Variants in CEP63 observed in about 807,000 individuals in gnomAD.
CEP63 encodes centrosomal protein 63, also known as centrosomal protein of 63 kDa.
CEP63 carries 84 observed loss-of-function variants against 89.1 expected under a neutral mutation model. That is an observed-to-expected ratio of 0.94 (90% CI 0.79 to 1.13). The LOEUF (loss-of-function observed/expected upper bound fraction) is 1.13. CEP63 is among the 50% of genes most tolerant of loss of function. CEP63 has a pLI of 0.00. For missense variants in CEP63, 838 were observed against 813.3 expected, an observed-to-expected ratio of 1.03 and a Z score of -0.37; for synonymous variants, 267 against 272.5, an observed-to-expected ratio of 0.98 and a Z score of 0.20.
At chr3:134,594,496 A>G in the CEP63 span, among the ~76,000 whole-genome samples, 1 of 152,010 alleles carries the variant, frequency 6.6e-6, no homozygotes, top group Non-Finnish European at 1.5e-5. Context: ...TTCCCCCGAG[A>G]AGAACGGCAC....
At chr3:134,540,009 T>C (rs1951676941) in intron 6 of CEP63, among the ~76,000 whole-genome samples, 1 of 152,168 alleles carries the variant, frequency 6.6e-6, no homozygotes. Flanking sequence ...AAAACCTATA[T>C]GCACTGTGAA....
intron 3 of CEP63, chr3:134,511,470 A>G (rs1019031717): frequency 7.2e-5 from 11 of 152,618 alleles, no homozygotes; most frequent in Non-Finnish European, 1.3e-4. Flanking sequence ...TCATAATCCA[A>G]TTTGAGCAGT....
chr3:134,622,218 A>C, the CEP63 span, among the ~76,000 whole-genome samples: 97,250 of 152,024 alleles, frequency 0.64, 31,783 homozygotes, highest in East Asian at 0.88. Context: ...AAGGTACGCA[A>C]CCAAAAAAAC....
the CEP63 span, chr3:134,607,500 G>A: frequency 4.1e-6 from 4 of 985,578 alleles, no homozygotes; most frequent in African/African-American, 1.7e-5. Context: ...TGGCAGAGAC[G>A]GTGCCACCAG....
At chr3:134,728,011 T>C in the CEP63 span, among the ~76,000 whole-genome samples, 2 of 152,110 alleles carry the variant, frequency 1.3e-5, no homozygotes, top group Non-Finnish European at 2.9e-5. Flanking sequence ...CTATAAGGTA[T>C]AGAAGAAAAC....
intron 3 of CEP63, among the ~76,000 whole-genome samples, chr3:134,520,588 C>G (rs1947227107): frequency 6.6e-6 from 1 of 152,094 alleles, no homozygotes. Context: ...CCAAAACAAT[C>G]TTGATGAAGA....
At chr3:134,518,603 G>A (rs1946734539) in intron 3 of CEP63, among the ~76,000 whole-genome samples, 1 of 152,098 alleles carries the variant, frequency 6.6e-6, no homozygotes, top group African/African-American at 2.4e-5. Flanking sequence ...TAATGAATAT[G>A]GTACGTATCA....
rs376739195 is a variant in CEP63 at position 134,562,101 on chromosome 3, C to T, written c.*566C>T. 11 of 992,266 alleles carry T rather than the reference C, an allele frequency of 1.1e-5. No individual in the cohort carries two copies. In the African/African-American group the frequency reaches 1.9e-4, roughly 17 times the overall value. 61.5% of individuals were successfully genotyped at this position (992,266 alleles called of 1,614,324 possible). A position where few individuals can be genotyped will look rare whatever the true frequency, so the allele number is the denominator to read the frequency against. ...CTAAAGAACCTTATCAAGCAGTCCT[C>T]TCTTGCTCAACACTCATGCAGAGGA... is the stretch of plus-strand genomic sequence containing the variant. On this transcript the variant is annotated 3_prime_UTR_variant, in exon 15 of 15. Transcript: ENST00000675561.
chr3:134,630,144 GA>G, the CEP63 span, among the ~76,000 whole-genome samples: 4 of 152,220 alleles, frequency 2.6e-5, no homozygotes, highest in Non-Finnish European at 5.9e-5. Context: ...GAGCACACAA[GA>G]GAAATCCTCT....
the CEP63 span, among the ~76,000 whole-genome samples, chr3:134,637,623 T>C: frequency 6.6e-6 from 1 of 152,208 alleles, no homozygotes. Context: ...AACAAATCTC[T>C]TCCCCAAACT....
At chr3:134,510,651 C>A in intron 3 of CEP63, 1 of 649,182 alleles carries the variant, frequency 1.5e-6, no homozygotes. Flanking sequence ...CACTCACTCT[C>A]CCTTCTTGCA....
rs932645132 is a variant in CEP63, at chr3:134,564,332, C to T, written c.*2797C>T. The T allele has an allele frequency of 2.0e-6, 2 of 985,350 alleles. No individual in the cohort carries two copies. The highest frequency in any genetic ancestry group is 2.4e-6 in the Non-Finnish European group (2 of 829,958). 61.0% of individuals were successfully genotyped at this position (985,350 alleles called of 1,614,324 possible). ...TCAGTTTGTCTCCTCTTCCCACACC[C>T]TGTCATGTGCTCCTAAAACTCCCCC... On this transcript the variant is annotated 3_prime_UTR_variant, in exon 15 of 15. Transcript: ENST00000675561.
downstream of CEP63, among the ~76,000 whole-genome samples, chr3:134,577,054 T>G (rs924778981): frequency 2.0e-5 from 3 of 152,236 alleles, no homozygotes; most frequent in African/African-American, 7.2e-5. Flanking sequence ...GGGACCATGA[T>G]GCATTACTGC....
chr3:134,546,334 AG>A (rs1560004405), intron 8 of CEP63, 46 bp downstream of exon 8: 1 of 1,530,206 alleles, frequency 6.5e-7, no homozygotes, highest in South Asian at 1.1e-5. Context: ...CTTAATGACT[AG>A]GTATTAAGCA....
intron 14 of CEP63, among the ~76,000 whole-genome samples, chr3:134,560,542 G>T (rs972742984): frequency 6.6e-6 from 1 of 152,194 alleles, no homozygotes; most frequent in African/African-American, 2.4e-5. Flanking sequence ...ACAGCGCAGT[G>T]TAGGGAAAGA....
At chr3:134,528,566 G>GCA (rs777051973) in intron 3 of CEP63, among the ~76,000 whole-genome samples, 7 of 92,276 alleles carry the variant, frequency 7.6e-5, no homozygotes, top group Non-Finnish European at 1.7e-4. Flanking sequence ...GTGTGTGTGT[G>GCA]TGCGTGTGTG....
chr3:134,772,171 C>T, the CEP63 span, among the ~76,000 whole-genome samples: 1 of 152,174 alleles, frequency 6.6e-6, no homozygotes, highest in Non-Finnish European at 1.5e-5. Context: ...TCTTGGCTGC[C>T]CCATTGCCCT....
downstream of CEP63, among the ~76,000 whole-genome samples, chr3:134,588,188 G>A (rs1344806216): frequency 6.6e-6 from 1 of 152,154 alleles, no homozygotes; most frequent in Non-Finnish European, 1.5e-5. Context: ...AGCTACTCAG[G>A]AGGCTGAGGC....
chr3:134,582,019 A>G (rs1958368179), intron 10 of CEP63, among the ~76,000 whole-genome samples: 2 of 152,136 alleles, frequency 1.3e-5, no homozygotes, highest in African/African-American at 2.4e-5. Context: ...AGACTTTAAG[A>G]TAAAAAGCAT....
Sources: allele counts gnomAD v4.1 joint callset (sites outside exome capture counted in the v4.1 genomes callset), GRCh38; gene constraint gnomAD v4.1.1; transcripts MANE v1.5; gene names NCBI Gene and HGNC (gene_info 2026-07-23, HGNC 2026-07-21).